The following PCSK5 variants were observed in gnomAD, a reference collection of about 807,000 sequenced individuals.
PCSK5 encodes prohormone convertase 5.
PCSK5 carries 129 observed loss-of-function variants against 233.2 expected under a neutral mutation model. The ratio of observed to expected loss-of-function variants is 0.55; its 90% CI spans 0.48 to 0.64. The LOEUF (loss-of-function observed/expected upper bound fraction) is 0.64, where lower values mean the gene tolerates loss of function less well. Among genes scored for constraint, PCSK5 ranks in the 30% least tolerant of loss-of-function variants. PCSK5 has a pLI of 0.00. For missense variants in PCSK5, 2,076 were observed against 2,430.1 expected (o/e 0.85, Z 3.06); for synonymous variants, 825 against 879.2 (o/e 0.94, Z 1.09).
At chr9:76,189,465 TCA>T (rs751528893) in intron 19 of PCSK5, among the ~76,000 whole-genome samples, 164 bp from the exon 20 acceptor site, 5 of 152,336 alleles carry the variant, frequency 3.3e-5, no homozygotes, top group African/African-American at 4.8e-5. Flanking sequence ...CCCTTTAAAA[TCA>T]CAGTGTCTAC....
At chr9:76,176,474 T>C (rs1304652585) in intron 14 of PCSK5, among the ~76,000 whole-genome samples, 1 of 152,228 alleles carries the variant, frequency 6.6e-6, no homozygotes, top group Non-Finnish European at 1.5e-5. Flanking sequence ...TGCCTTATTA[T>C]TCTTCCAGAT....
chr9:76,194,378 T>C (rs1301082578), intron 20 of PCSK5: 1 of 152,304 alleles, frequency 6.6e-6, no homozygotes, highest in East Asian at 1.9e-4. Flanking sequence ...ATTTAAATAA[T>C]ATTTAAGCTT....
At chr9:76,125,486 C>T (rs964103859) in intron 9 of PCSK5, among the ~76,000 whole-genome samples, 9 of 152,190 alleles carry the variant, frequency 5.9e-5, no homozygotes, top group African/African-American at 2.2e-4. Context: ...GTTAAACTTT[C>T]CCTGCTTTGA....
intron 3 of PCSK5, among the ~76,000 whole-genome samples, chr9:76,021,303 T>C (rs1828175812): frequency 6.6e-6 from 1 of 151,944 alleles, no homozygotes; most frequent in African/African-American, 2.4e-5. Flanking sequence ...CGTTGTTGGA[T>C]TGCATAGAAC....
intron 27 of PCSK5, among the ~76,000 whole-genome samples, chr9:76,297,598 G>A (rs887203160): frequency 6.6e-5 from 10 of 152,136 alleles, no homozygotes; most frequent in Non-Finnish European, 1.5e-4. Flanking sequence ...AACTTTCAGC[G>A]ACCCCTCTGT....
chr9:76,246,725 A>G (rs1213676112), intron 24 of PCSK5, among the ~76,000 whole-genome samples: 2 of 152,232 alleles, frequency 1.3e-5, no homozygotes, highest in Non-Finnish European at 2.9e-5. Context: ...ACATATACAC[A>G]ATAGAGCACT....
intron 1 of PCSK5, among the ~76,000 whole-genome samples, chr9:75,895,907 C>A (rs35344761): frequency 0.1 from 15,279 of 152,174 alleles, 932 homozygotes; most frequent in Admixed American, 0.13. Flanking sequence ...TGTTGATTCA[C>A]ATGGGCAGTG....
intron 37 of PCSK5, among the ~76,000 whole-genome samples, chr9:76,355,490 G>GA (rs926016399): frequency 6.7e-6 from 1 of 149,622 alleles, no homozygotes; most frequent in African/African-American, 2.5e-5. Context: ...GAAAAGAAAA[G>GA]AAAAAAAAAG....
chr9:76,066,891 G>C (rs907509082), intron 5 of PCSK5, among the ~76,000 whole-genome samples: 3 of 152,120 alleles, frequency 2.0e-5, no homozygotes, highest in Non-Finnish European at 1.5e-5. Flanking sequence ...TGCTACTCTC[G>C]ATGTACCTTT....
At chr9:76,328,391 T>C (rs1345091571) in intron 33 of PCSK5, among the ~76,000 whole-genome samples, 152 bp downstream of exon 33, 1 of 152,208 alleles carries the variant, frequency 6.6e-6, no homozygotes, top group Non-Finnish European at 1.5e-5. Flanking sequence ...GATGCAAGAG[T>C]AAGAACTGTA....
intron 10 of PCSK5, among the ~76,000 whole-genome samples, chr9:76,148,631 GA>G (rs1367186225): frequency 2.0e-5 from 3 of 152,052 alleles, no homozygotes; most frequent in Admixed American, 6.5e-5. Context: ...GTTGACAGGG[GA>G]TACCCTTCTG....
At chr9:75,904,958 A>AT (rs1228656195) in intron 1 of PCSK5, among the ~76,000 whole-genome samples, 2 of 152,166 alleles carry the variant, frequency 1.3e-5, no homozygotes, top group Non-Finnish European at 2.9e-5. Context: ...ATTATGGAAT[A>AT]TTTTTTCACA....
intron 2 of PCSK5, among the ~76,000 whole-genome samples, chr9:75,942,013 G>C (rs933521291): frequency 1.3e-5 from 2 of 152,224 alleles, no homozygotes; most frequent in Non-Finnish European, 2.9e-5. Context: ...GAGAGTGCTT[G>C]GCAGTACTTC....
intron 10 of PCSK5, among the ~76,000 whole-genome samples, chr9:76,139,655 T>G (rs1269016202): frequency 6.6e-6 from 1 of 152,050 alleles, no homozygotes; most frequent in Non-Finnish European, 1.5e-5. Flanking sequence ...TTTTTTAAGA[T>G]TCTATGTTTT....
At chr9:76,243,465 T>C (rs552142190) in intron 24 of PCSK5, among the ~76,000 whole-genome samples, 2 of 152,318 alleles carry the variant, frequency 1.3e-5, no homozygotes, top group East Asian at 3.9e-4. Flanking sequence ...TAATTTCTCA[T>C]TTTAAATTCT....
intron 20 of PCSK5, among the ~76,000 whole-genome samples, chr9:76,218,583 CAG>C (rs908066357): frequency 2.7e-5 from 4 of 149,394 alleles, no homozygotes; most frequent in Admixed American, 1.3e-4. Flanking sequence ...ATTAAAGAAA[CAG>C]AATCATAACT....
chr9:76,255,506 A>G (rs77522854), intron 24 of PCSK5, among the ~76,000 whole-genome samples: 3,600 of 152,232 alleles, frequency 0.024, 135 homozygotes, highest in African/African-American at 0.081. Flanking sequence ...CTAATCTTCA[A>G]TGTAATTCTC....
intron 5 of PCSK5, among the ~76,000 whole-genome samples, chr9:76,051,803 G>A (rs1319510997): frequency 6.6e-6 from 1 of 152,148 alleles, no homozygotes; most frequent in African/African-American, 2.4e-5. Flanking sequence ...TCTATTTGTG[G>A]TGGAAAATCA....
chr9:76,042,302 G>A (rs1016532467), intron 5 of PCSK5, among the ~76,000 whole-genome samples: 7 of 152,204 alleles, frequency 4.6e-5, no homozygotes, highest in South Asian at 2.1e-4. Context: ...GTGTAAAAGC[G>A]TACTAACTGC....
Sources: allele counts gnomAD v4.1 joint callset (sites outside exome capture counted in the v4.1 genomes callset), GRCh38; gene constraint gnomAD v4.1.1; transcripts MANE v1.5; gene names NCBI Gene and HGNC (gene_info 2026-07-23, HGNC 2026-07-21).